The following TMTC3 variants were observed in gnomAD, a reference collection of about 807,000 sequenced individuals.
The protein encoded by TMTC3 is transmembrane O-mannosyltransferase targeting cadherins 3.
A neutral mutation model predicts 92.2 loss-of-function variants in TMTC3; 52 were observed. The observed-to-expected ratio is 0.56, with a 90% confidence interval of 0.45 to 0.71. The LOEUF (loss-of-function observed/expected upper bound fraction) is 0.71, where lower values mean the gene tolerates loss of function less well. Among genes scored for constraint, TMTC3 ranks in the 30% least tolerant of loss-of-function variants. The pLI is 0.00. For missense variants in TMTC3, 896 were observed against 1,057.1 expected (o/e 0.85, Z 2.11); for synonymous variants, 339 against 363.3 (o/e 0.93, Z 0.76).
At chr12:88,173,983 T>C (rs1487282538) in intron 8 of TMTC3, among the ~76,000 whole-genome samples, 4 of 152,068 alleles carry the variant, frequency 2.6e-5, no homozygotes, top group African/African-American at 9.7e-5. Flanking sequence ...AATTAAACCA[T>C]GTTACAGGAA....
At chr12:88,186,257 G>A (rs1292008098) in intron 10 of TMTC3, among the ~76,000 whole-genome samples, 4 of 152,106 alleles carry the variant, frequency 2.6e-5, no homozygotes, top group Non-Finnish European at 5.9e-5. Flanking sequence ...CAAATAAATG[G>A]TGACTGTAAA....
intron 4 of TMTC3, among the ~76,000 whole-genome samples, chr12:88,158,818 G>A (rs1262282750): frequency 2.6e-5 from 4 of 152,012 alleles, no homozygotes; most frequent in East Asian, 1.9e-4. Context: ...TTGGGAGGCC[G>A]AGGTGGGCGG....
intron 2 of TMTC3, among the ~76,000 whole-genome samples, chr12:88,150,416 T>G (rs895288871): frequency 6.6e-6 from 1 of 152,124 alleles, no homozygotes; most frequent in African/African-American, 2.4e-5. Context: ...CATTTTGATA[T>G]AAGATTTGGG....
At chr12:88,184,061 G>A (rs2041348427) in intron 10 of TMTC3, among the ~76,000 whole-genome samples, 1 of 152,046 alleles carries the variant, frequency 6.6e-6, no homozygotes, top group African/African-American at 2.4e-5. Flanking sequence ...ACAGACTCTG[G>A]CCGAGTGATG....
At chr12:88,151,948 A>G (rs1386946637) in intron 2 of TMTC3, among the ~76,000 whole-genome samples, 1 of 152,170 alleles carries the variant, frequency 6.6e-6, no homozygotes, top group African/African-American at 2.4e-5. Flanking sequence ...AGATACTAAA[A>G]TGTTCCTAAT....
At chr12:88,144,884 T>G (rs1417507170) in intron 1 of TMTC3, among the ~76,000 whole-genome samples, 1 of 152,192 alleles carries the variant, frequency 6.6e-6, no homozygotes. Flanking sequence ...AAAACTATTA[T>G]TTTTCGTCAG....
At chr12:88,189,410 A>G (rs2041417526) in intron 11 of TMTC3, among the ~76,000 whole-genome samples, 1 of 152,166 alleles carries the variant, frequency 6.6e-6, no homozygotes, top group Non-Finnish European at 1.5e-5. Flanking sequence ...CTTAATTTTA[A>G]AAATTGTTTT....
rs201715354 is a variant in TMTC3 at position 88,193,897 on chromosome 12, C to CT, written c.1934-932dup. Among the ~76,000 whole-genome samples, 903 of 150,460 alleles carry CT rather than the reference C, an allele frequency of 6.0e-3. 8 individuals carry two copies. The highest frequency in any genetic ancestry group is 0.021 in the African/African-American group (847 of 41,048). ...AACTTGAACTTTTTTGTTTTTTTGGCTTTTTTTTTGCAATAGAAATTATCT... is the reference window on the plus strand; with the variant it reads ...AACTTGAACTTTTTTGTTTTTTTGGCTTTTTTTTTTGCAATAGAAATTATCT... On this transcript the variant is annotated intron_variant, in intron 13 of 13. Transcript: ENST00000266712.
At chr12:88,154,924 A>C (rs2040988079) in intron 4 of TMTC3, among the ~76,000 whole-genome samples, 1 of 149,420 alleles carries the variant, frequency 6.7e-6, no homozygotes, top group South Asian at 2.1e-4. Context: ...CTAGGCAATA[A>C]AAATGATTTT....
chr12:88,160,093 T>G (rs1166844696), intron 4 of TMTC3, 21 bp from the exon 5 acceptor site: 1 of 1,476,244 alleles, frequency 6.8e-7, no homozygotes, highest in African/African-American at 1.4e-5. Flanking sequence ...AATTTTTATA[T>G]TTTCTGTTCT....
intron 10 of TMTC3, among the ~76,000 whole-genome samples, chr12:88,184,123 G>A (rs2041349165): frequency 6.6e-6 from 1 of 152,054 alleles, no homozygotes; most frequent in Non-Finnish European, 1.5e-5. Context: ...GTGGCTAGGG[G>A]ACCGCATGGC....
chr12:88,159,807 T>C (rs1213114113), intron 4 of TMTC3, among the ~76,000 whole-genome samples: 2 of 152,208 alleles, frequency 1.3e-5, no homozygotes, highest in East Asian at 3.8e-4. Context: ...AGCTCATTAA[T>C]TATGACACAC....
At chr12:88,178,152 G>A (rs1369025374) in intron 10 of TMTC3, among the ~76,000 whole-genome samples, 2 of 152,132 alleles carry the variant, frequency 1.3e-5, no homozygotes, top group African/African-American at 2.4e-5. Context: ...GGATAGAAAA[G>A]AACACAGTCA....
chr12:88,145,760 A>G (rs2040865686), intron 1 of TMTC3, among the ~76,000 whole-genome samples: 1 of 152,216 alleles, frequency 6.6e-6, no homozygotes, highest in Non-Finnish European at 1.5e-5. Flanking sequence ...AATGTCCTAA[A>G]GTAGCTACCT....
chr12:88,182,285 G>C (rs1344771251), intron 10 of TMTC3, among the ~76,000 whole-genome samples: 1 of 152,168 alleles, frequency 6.6e-6, no homozygotes. Flanking sequence ...GAATATTGCA[G>C]GTCTGTGCAA....
chr12:88,142,388 C>G lies in TMTC3; in HGVS notation c.-128C>G, dbSNP rs993751863. The stretch of plus-strand genomic sequence containing the variant: ...GCTCAGGCGCCTGCAAACTGGTGGC[C>G]TGAACGAGGTAGACCATGACTGTGG... On this transcript the variant is annotated 5_prime_UTR_variant, in exon 1 of 14. Transcript: ENST00000266712. The G allele has an allele frequency of 1.3e-5, 2 of 152,530 alleles. No individual in the cohort carries two copies. The highest frequency in any genetic ancestry group is 2.9e-5 in the Non-Finnish European group (2 of 68,308). The allele number at this position is 152,530 out of a possible 1,614,324, so 9.4% of individuals were successfully genotyped here. A position where few individuals can be genotyped will look rare whatever the true frequency, so the allele number is the denominator to read the frequency against.
intron 10 of TMTC3, among the ~76,000 whole-genome samples, chr12:88,186,128 G>A (rs2041375727): frequency 1.3e-5 from 2 of 152,020 alleles, no homozygotes; most frequent in Admixed American, 1.3e-4. Flanking sequence ...TCACTGTTGG[G>A]CAGCTGTGTA....
At chr12:88,147,427 T>C (rs1279851163) in intron 1 of TMTC3, among the ~76,000 whole-genome samples, 1 of 152,192 alleles carries the variant, frequency 6.6e-6, no homozygotes. Context: ...GTAGATATCC[T>C]GAGTTGTTTC....
In TMTC3 at chr12:88,196,331, T is replaced by C. The variant is rs539491586; in HGVS notation, c.*682T>C. On this transcript the variant is annotated 3_prime_UTR_variant, in exon 14 of 14. Coordinates refer to ENST00000266712, the MANE Select transcript of TMTC3 (RefSeq NM_181783.4). ...ATACACACATTTTTAATGGTGCTCA[T>C]ATATACTGTATTTTTTGTTGTTTAG... 20 of 152,562 alleles carry C rather than the reference T, an allele frequency of 1.3e-4. No homozygotes were observed. Among genetic ancestry groups the C allele is most frequent in the African/African-American group, 4.3e-4 (18 of 41,576 alleles). 9.5% of individuals were successfully genotyped at this position (152,562 alleles called of 1,614,324 possible).
Sources: gnomAD v4.1 joint callset for allele counts (sites outside exome capture counted in the v4.1 genomes callset) on GRCh38, gnomAD v4.1.1 for gene constraint, MANE v1.5 for transcripts, NCBI Gene and HGNC (gene_info 2026-07-23, HGNC 2026-07-21) for gene names.